PCDH9: variants seen among roughly 807,000 people sequenced by gnomAD.
PCDH9 encodes protocadherin-9.
A neutral mutation model predicts 70.6 loss-of-function variants in PCDH9; 24 were observed. The observed-to-expected ratio is 0.34, with a 90% CI of 0.25 to 0.48. The LOEUF (loss-of-function observed/expected upper bound fraction) is 0.48. Among genes scored for constraint, PCDH9 ranks in the 20% least tolerant of loss-of-function variants. PCDH9 has a pLI of 0.99. For synonymous variants in PCDH9, 562 were observed against 558.5 expected, an observed-to-expected ratio of 1.01 and a Z score of -0.09; for missense variants, 1,281 against 1,503.6, an observed-to-expected ratio of 0.85 and a Z score of 2.45.
chr13:66,828,834 T>TAATAATAATAAC (rs1196366053), intron 3 of PCDH9, among the ~76,000 whole-genome samples: 2 of 139,052 alleles, frequency 1.4e-5, no homozygotes, highest in Non-Finnish European at 3.3e-5. Context: ...ATAATAATAA[T>TAATAATAATAAC]AACAACAATG....
intron 3 of PCDH9, among the ~76,000 whole-genome samples, chr13:66,823,515 G>A (rs1338498888): frequency 6.6e-6 from 1 of 151,878 alleles, no homozygotes; most frequent in Non-Finnish European, 1.5e-5. Flanking sequence ...TCATGAACAT[G>A]CAGGCAAAAA....
At chr13:66,844,584 C>CAA (rs5804301) in intron 3 of PCDH9, among the ~76,000 whole-genome samples, 90 of 117,478 alleles carry the variant, frequency 7.7e-4, no homozygotes, top group East Asian at 3.0e-3. Context: ...GACTCTGTCT[C>CAA]AAAAAAAAAA....
At chr13:66,719,438 AG>A (rs1806593510) in intron 3 of PCDH9, among the ~76,000 whole-genome samples, 1 of 152,124 alleles carries the variant, frequency 6.6e-6, no homozygotes, top group Admixed American at 6.5e-5. Flanking sequence ...GAGATTGAGG[AG>A]GGCTCCCTGG....
intron 2 of PCDH9, among the ~76,000 whole-genome samples, chr13:67,192,432 C>T (rs2088942910): frequency 6.6e-6 from 1 of 152,150 alleles, no homozygotes; most frequent in Non-Finnish European, 1.5e-5. Context: ...TAATAGCTTC[C>T]ATTTCTATAG....
intron 2 of PCDH9, among the ~76,000 whole-genome samples, chr13:67,010,457 T>C (rs2084432235): frequency 6.6e-6 from 1 of 152,008 alleles, no homozygotes; most frequent in African/African-American, 2.4e-5. Context: ...TAACTTCACT[T>C]AGCTACAGCA....
intron 4 of PCDH9, among the ~76,000 whole-genome samples, chr13:66,370,611 A>G (rs544519641): frequency 8.6e-5 from 13 of 151,598 alleles, no homozygotes; most frequent in African/African-American, 3.1e-4. Context: ...CCCAGGCTCA[A>G]GGGATCCTCC....
chr13:66,332,236 C>A (rs1431862457), intron 4 of PCDH9, among the ~76,000 whole-genome samples: 4 of 152,072 alleles, frequency 2.6e-5, no homozygotes. Context: ...TGCTGCTGTG[C>A]CCATTCAAAG....
intron 3 of PCDH9, among the ~76,000 whole-genome samples, chr13:66,869,292 TTCA>T (rs1416790626): frequency 3.9e-5 from 6 of 152,028 alleles, no homozygotes; most frequent in Non-Finnish European, 8.8e-5. Context: ...TAAAAGAAAC[TTCA>T]TCATCATCAT....
At chr13:67,012,338 A>T (rs1209818054) in intron 2 of PCDH9, among the ~76,000 whole-genome samples, 2 of 151,870 alleles carry the variant, frequency 1.3e-5, no homozygotes, top group Non-Finnish European at 2.9e-5. Context: ...TGAGAGAAAG[A>T]GAGAGAAAAA....
chr13:66,869,716 T>C (rs2081639279), intron 3 of PCDH9, among the ~76,000 whole-genome samples: 1 of 152,140 alleles, frequency 6.6e-6, no homozygotes, highest in South Asian at 2.1e-4. Flanking sequence ...TATGTGCTCA[T>C]TCCACTTGAA....
intron 2 of PCDH9, among the ~76,000 whole-genome samples, chr13:67,008,329 T>A (rs76664853): frequency 6.6e-6 from 1 of 152,164 alleles, no homozygotes; most frequent in African/African-American, 2.4e-5. Flanking sequence ...TTCTTTTCTA[T>A]GTAAACAATT....
chr13:66,431,801 A>T (rs1219548113), intron 4 of PCDH9, among the ~76,000 whole-genome samples: 1 of 152,010 alleles, frequency 6.6e-6, no homozygotes, highest in African/African-American at 2.4e-5. Flanking sequence ...GCAAGAACAC[A>T]GATGATTACA....
intron 2 of PCDH9, among the ~76,000 whole-genome samples, chr13:66,954,979 G>A (rs773099285): frequency 6.6e-6 from 1 of 152,094 alleles, no homozygotes; most frequent in African/African-American, 2.4e-5. Context: ...TAGCCAGGAT[G>A]GTCTCGATCT....
chr13:67,225,233 T>A, intron 2 of PCDH9, 172 bp downstream of exon 2: 1 of 1,308,554 alleles, frequency 7.6e-7, no homozygotes, highest in Non-Finnish European at 1.0e-6. Context: ...TCAAAGCTGT[T>A]CTAAAAATTC....
At chr13:67,093,507 A>G (rs1246335141) in intron 2 of PCDH9, among the ~76,000 whole-genome samples, 1 of 152,118 alleles carries the variant, frequency 6.6e-6, no homozygotes, top group African/African-American at 2.4e-5. Context: ...AAGATTGTCA[A>G]CTATACTCTC....
chr13:66,688,945 C>T (rs1459917991), intron 3 of PCDH9, among the ~76,000 whole-genome samples: 2 of 151,806 alleles, frequency 1.3e-5, no homozygotes, highest in African/African-American at 4.8e-5. Context: ...AATATATTAC[C>T]TATGGTAGCT....
chr13:66,496,215 T>G (rs1959114395), intron 4 of PCDH9, among the ~76,000 whole-genome samples: 1 of 152,158 alleles, frequency 6.6e-6, no homozygotes, highest in East Asian at 1.9e-4. Context: ...TTTTGAAAAA[T>G]TAACATTTGT....
In PCDH9 at chr13:67,171,409, A is replaced by G. The variant is rs185919082; in HGVS notation, c.3036+53996T>C. On this transcript the variant is annotated intron_variant, in intron 2 of 4. Coordinates refer to ENST00000377865, the MANE Select transcript of PCDH9 (RefSeq NM_203487.3). ...AGGACTAGACTGTCACCAATCATTA[A>G]CCCTCACTCTCTGGGAAGATCACAT... 1.1e-3 allele frequency among the ~76,000 whole-genome samples: 168 copies of G among 152,002 alleles called. 2 individuals are homozygous for G. The South Asian group carries it at 0.011, about 10-fold the overall frequency.
intron 3 of PCDH9, among the ~76,000 whole-genome samples, chr13:66,874,938 T>A (rs1305398597): frequency 2.8e-5 from 4 of 140,474 alleles, no homozygotes; most frequent in African/African-American, 1.0e-4. Flanking sequence ...TGTGTGTGTG[T>A]GTGTGAGAGA....
Sources: gnomAD v4.1 joint callset for allele counts (sites outside exome capture counted in the v4.1 genomes callset) on GRCh38, gnomAD v4.1.1 for gene constraint, MANE v1.5 for transcripts, NCBI Gene and HGNC (gene_info 2026-07-23, HGNC 2026-07-21) for gene names.